Variants in HCN1 observed in about 807,000 individuals in gnomAD.
The protein encoded by HCN1 is potassium/sodium hyperpolarization-activated cyclic nucleotide-gated channel 1.
In HCN1, 13 loss-of-function variants were observed where a neutral mutation model predicts 78.9. That is an observed-to-expected ratio of 0.16 (90% CI 0.11 to 0.26). The LOEUF (loss-of-function observed/expected upper bound fraction) is 0.26. Ranked by LOEUF, HCN1 falls within the 10% of genes least tolerant of loss-of-function variation. The pLI is 1.00. For synonymous variants in HCN1, 552 were observed against 455.5 expected, an observed-to-expected ratio of 1.21 and a Z score of -2.70; for missense variants, 810 against 1,154.3, an observed-to-expected ratio of 0.70 and a Z score of 4.32.
At chr5:45,347,478 G>A (rs953654398) in intron 5 of HCN1, among the ~76,000 whole-genome samples, 9 of 152,314 alleles carry the variant, frequency 5.9e-5, no homozygotes, top group South Asian at 2.1e-4. Flanking sequence ...CCAAAGGAAC[G>A]CAGTTGGTCA....
intron 2 of HCN1, among the ~76,000 whole-genome samples, chr5:45,480,985 G>A (rs1741639143): frequency 6.6e-6 from 1 of 152,084 alleles, no homozygotes; most frequent in African/African-American, 2.4e-5. Flanking sequence ...TCCATTATTC[G>A]AATGCTAGAA....
intron 3 of HCN1, among the ~76,000 whole-genome samples, chr5:45,402,907 CT>C (rs1739851923): frequency 9.4e-6 from 1 of 106,520 alleles, no homozygotes; most frequent in Non-Finnish European, 1.8e-5. Flanking sequence ...TCTTTTCTTT[CT>C]TTTGTCTCAC....
At chr5:45,661,180 T>A (rs1745928766) in intron 1 of HCN1, among the ~76,000 whole-genome samples, 1 of 139,756 alleles carries the variant, frequency 7.2e-6, no homozygotes, top group Admixed American at 7.3e-5. Context: ...ACATGGAAAC[T>A]GAACAACCTG....
At chr5:45,509,751 C>T (rs923087122) in intron 2 of HCN1, among the ~76,000 whole-genome samples, 1 of 151,966 alleles carries the variant, frequency 6.6e-6, no homozygotes, top group African/African-American at 2.4e-5. Context: ...TTTTTTTTCA[C>T]TATAACAAGA....
intron 3 of HCN1, among the ~76,000 whole-genome samples, chr5:45,403,541 C>G (rs971012594): frequency 1.3e-5 from 2 of 152,118 alleles, no homozygotes; most frequent in Non-Finnish European, 2.9e-5. Flanking sequence ...ATAAAACCAT[C>G]AGATCTAGTG....
intron 6 of HCN1, among the ~76,000 whole-genome samples, chr5:45,286,967 A>G (rs1310644026): frequency 6.6e-6 from 1 of 152,020 alleles, no homozygotes; most frequent in Non-Finnish European, 1.5e-5. Flanking sequence ...AAGTAAATTC[A>G]GCCATGGAGA....
chr5:45,608,640 A>C (rs1444966461), intron 2 of HCN1, among the ~76,000 whole-genome samples: 1 of 151,996 alleles, frequency 6.6e-6, no homozygotes, highest in Non-Finnish European at 1.5e-5. Flanking sequence ...TATGAAAATC[A>C]ATTTTGATGG....
intron 2 of HCN1, among the ~76,000 whole-genome samples, chr5:45,499,434 G>A (rs1235701493): frequency 6.6e-5 from 10 of 152,156 alleles, no homozygotes; most frequent in South Asian, 2.1e-4. Flanking sequence ...GCAATGCCTC[G>A]CCCTGCTTCG....
intron 2 of HCN1, among the ~76,000 whole-genome samples, chr5:45,614,397 T>C (rs1028313094): frequency 6.6e-6 from 1 of 152,122 alleles, no homozygotes; most frequent in Admixed American, 6.6e-5. Context: ...AATATCCATG[T>C]CTGAATACAA....
At position 45,695,920 on chromosome 5, in the gene HCN1, G is replaced by A; in HGVS notation, c.174C>T (p.Cys58=). Residue 58 remains cysteine (C), a synonymous_variant, in exon 1 of 8, where the codon TGC becomes TGT. Transcript: ENST00000303230. ...AGAKEHGNSV[C]FKVDGGGGGG... ...CGCCGCCACCGCCGTCCACCTTGAA[G>A]CACACGGAGTTGCCGTGCTCCTTCG... 1.3e-6 allele frequency: 2 copies of A among 1,499,292 alleles called. No individual in the cohort carries two copies. Among genetic ancestry groups the A allele is most frequent in the Non-Finnish European group, 8.8e-7 (1 of 1,132,638 alleles). The allele number at this position is 1,499,292 out of a possible 1,614,324, so 92.9% of individuals were successfully genotyped here.
intron 3 of HCN1, among the ~76,000 whole-genome samples, chr5:45,400,710 G>C (rs986820956): frequency 6.6e-6 from 1 of 152,024 alleles, no homozygotes; most frequent in Non-Finnish European, 1.5e-5. Flanking sequence ...CCCAGCCTAA[G>C]AATGCTTTCT....
intron 2 of HCN1, among the ~76,000 whole-genome samples, chr5:45,489,033 T>C (rs986265912): frequency 3.9e-5 from 6 of 152,162 alleles, no homozygotes; most frequent in Admixed American, 2.6e-4. Flanking sequence ...ATGTACTCAA[T>C]GTACCTGACT....
chr5:45,258,959 G>C lies in HCN1; in HGVS notation c.*2962C>G, dbSNP rs930526209. ...TGTATATCCAATAATTACACAAAAT[G>C]GTTGTGTTTTGAAGTTGGAGAACAA... On this transcript the variant is annotated 3_prime_UTR_variant, in exon 8 of 8. Coordinates refer to ENST00000303230, the MANE Select transcript of HCN1 (RefSeq NM_021072.4). 1 of 151,858 alleles carries C rather than the reference G, an allele frequency of 6.6e-6. No individual in the cohort carries two copies. The highest frequency in any genetic ancestry group is 6.6e-5 in the Admixed American group (1 of 15,232). The allele number at this position is 151,858 out of a possible 1,614,324, so 9.4% of individuals were successfully genotyped here.
At chr5:45,263,290 C>T (rs1224255650) in intron 7 of HCN1, among the ~76,000 whole-genome samples, 4 of 151,916 alleles carry the variant, frequency 2.6e-5, no homozygotes, top group Non-Finnish European at 4.4e-5. Context: ...TAGGTGTGTT[C>T]ATAATCTCAT....
intron 1 of HCN1, among the ~76,000 whole-genome samples, chr5:45,683,628 G>C (rs1739747548): frequency 6.6e-6 from 1 of 150,802 alleles, no homozygotes; most frequent in African/African-American, 2.4e-5. Flanking sequence ...CTTCTAGCCA[G>C]TTAAATATAT....
chr5:45,609,953 T>C (rs1579997545), intron 2 of HCN1, among the ~76,000 whole-genome samples: 1 of 152,114 alleles, frequency 6.6e-6, no homozygotes, highest in Non-Finnish European at 1.5e-5. Flanking sequence ...GCATTAGATG[T>C]CAGCAAAAAT....
intron 2 of HCN1, among the ~76,000 whole-genome samples, chr5:45,606,506 G>A (rs1425143259): frequency 6.6e-6 from 1 of 151,820 alleles, no homozygotes; most frequent in Non-Finnish European, 1.5e-5. Flanking sequence ...GAAAAAGCTG[G>A]AGTTGGGGGA....
Position 45,260,554 on chromosome 5 carries a change from C to T in HCN1, c.*1367G>A, listed in dbSNP as rs1021608387. The T allele has an allele frequency of 6.6e-6, 1 of 152,352 alleles. No individual in the cohort carries two copies. Among genetic ancestry groups the T allele is most frequent in the African/African-American group, 2.4e-5 (1 of 41,420 alleles). The allele number at this position is 152,352 out of a possible 1,614,324, so 9.4% of individuals were successfully genotyped here. A position where few individuals can be genotyped will look rare whatever the true frequency, so the allele number is the denominator to read the frequency against. On this transcript the variant is annotated 3_prime_UTR_variant, in exon 8 of 8. Coordinates refer to ENST00000303230, the MANE Select transcript of HCN1 (RefSeq NM_021072.4). ...ACCACATGCCTTAAAGTTTACTAAC[C>T]ATTTAGTTACAATATACATAGAGCA...
intron 4 of HCN1, among the ~76,000 whole-genome samples, chr5:45,396,186 T>C (rs887546841): frequency 6.6e-6 from 1 of 152,168 alleles, no homozygotes; most frequent in Non-Finnish European, 1.5e-5. Context: ...TGACATATGA[T>C]AGAAAATGAG....
Sources: allele counts gnomAD v4.1 joint callset (sites outside exome capture counted in the v4.1 genomes callset), GRCh38; gene constraint gnomAD v4.1.1; transcripts MANE v1.5; gene names NCBI Gene and HGNC (gene_info 2026-07-23, HGNC 2026-07-21).